APH1B: variants seen among roughly 807,000 people sequenced by gnomAD.
APH1B encodes gamma-secretase subunit APH-1B.
Under a neutral mutation model 28.2 loss-of-function variants are expected in APH1B, and 27 were observed. That is an observed-to-expected ratio of 0.96 (90% CI 0.70 to 1.32). The LOEUF is 1.32. Ranked by LOEUF, APH1B falls within the 40% of genes most tolerant of loss-of-function variation. APH1B has a pLI of 0.00. For synonymous variants in APH1B, 141 were observed against 124.6 expected, an observed-to-expected ratio of 1.13 and a Z score of -0.88; for missense variants, 305 against 313.6, an observed-to-expected ratio of 0.97 and a Z score of 0.21.
At chr15:63,281,534 GAA>G (rs58991721) in intron 2 of APH1B, among the ~76,000 whole-genome samples, 17,046 of 115,002 alleles carry the variant, frequency 0.15, 1,169 homozygotes, top group East Asian at 0.47. Context: ...GTCTAATTTT[GAA>G]AAAAAAAAAA....
rs1269123045 is a variant in APH1B at position 63,306,323 on chromosome 15, G to A, written c.*542G>A. 1.3e-5 allele frequency: 2 copies of A among 152,514 alleles called. No individual in the cohort carries two copies. Among genetic ancestry groups the A allele is most frequent in the African/African-American group, 2.4e-5 (1 of 41,460 alleles). 9.4% of individuals were successfully genotyped at this position (152,514 alleles called of 1,614,324 possible). A position where few individuals can be genotyped will look rare whatever the true frequency, so the allele number is the denominator to read the frequency against. ...GTACTTCACCATCTTAGGAGAACAC[G>A]GTAGGTTGGGCTTCTAAATGCAATA... On this transcript the variant is annotated 3_prime_UTR_variant, in exon 6 of 6. Coordinates refer to ENST00000261879, the MANE Select transcript of APH1B (RefSeq NM_031301.4).
In APH1B at chr15:63,309,041, A is replaced by T. The variant is rs2038715810; in HGVS notation, c.*3260A>T. 1 of 152,184 alleles carries T rather than the reference A, an allele frequency of 6.6e-6. No homozygotes were observed. The highest frequency in any genetic ancestry group is 6.5e-5 in the Admixed American group (1 of 15,278). 9.4% of individuals were successfully genotyped at this position (152,184 alleles called of 1,614,324 possible). On this transcript the variant is annotated 3_prime_UTR_variant, in exon 6 of 6. Transcript: ENST00000261879. Reference sequence around the variant, plus strand: ...ATGTCATATATACTTGCAATATCAGACCTTGCATTCAATATACAATGCAAT... The same window carrying T: ...ATGTCATATATACTTGCAATATCAGTCCTTGCATTCAATATACAATGCAAT...
chr15:63,301,546 G>A (rs1404680446), intron 4 of APH1B, among the ~76,000 whole-genome samples: 1 of 152,016 alleles, frequency 6.6e-6, no homozygotes, highest in East Asian at 1.9e-4. Context: ...TGCCTAAGAA[G>A]CATTGTAGAT....
At chr15:63,278,269 T>G in intron 1 of APH1B, 1 of 455,018 alleles carries the variant, frequency 2.2e-6, no homozygotes, top group African/African-American at 2.0e-5. Flanking sequence ...TTAAGCTCCT[T>G]TTGGATGGTT....
chr15:63,287,127 G>A (rs538647010), intron 3 of APH1B: 8 of 285,980 alleles, frequency 2.8e-5, no homozygotes, highest in South Asian at 7.1e-5. Context: ...AAAGTAAGCC[G>A]GAGTTTTGGT....
intron 2 of APH1B, among the ~76,000 whole-genome samples, chr15:63,285,775 G>A (rs2038439019): frequency 1.3e-5 from 2 of 152,186 alleles, no homozygotes; most frequent in African/African-American, 4.8e-5. Context: ...ATTTTCTCTT[G>A]AGCAGTATTC....
rs745338 is a variant in APH1B at position 63,306,231 on chromosome 15, T to A, written c.*450T>A. ...ATCTGAATGTCAAATCCTGGTTATC[T>A]TTTATCTTCCTAAGTTCTGAAGTCA... On this transcript the variant is annotated 3_prime_UTR_variant, in exon 6 of 6. Coordinates refer to ENST00000261879, the MANE Select transcript of APH1B (RefSeq NM_031301.4). The A allele has an allele frequency of 6.4e-6, 1 of 157,458 alleles. No individual in the cohort carries two copies. Among genetic ancestry groups the A allele is most frequent in the Non-Finnish European group, 1.4e-5 (1 of 71,422 alleles). 9.8% of individuals were successfully genotyped at this position (157,458 alleles called of 1,614,324 possible). A position where few individuals can be genotyped will look rare whatever the true frequency, so the allele number is the denominator to read the frequency against.
intron 4 of APH1B, among the ~76,000 whole-genome samples, chr15:63,292,488 C>T (rs2038515624): frequency 6.6e-6 from 1 of 152,188 alleles, no homozygotes; most frequent in African/African-American, 2.4e-5. Flanking sequence ...CTCCTGGGCT[C>T]AAGTGATCCT....
intron 5 of APH1B, among the ~76,000 whole-genome samples, chr15:63,305,320 T>C (rs988124284): frequency 6.6e-6 from 1 of 152,222 alleles, no homozygotes; most frequent in African/African-American, 2.4e-5. Flanking sequence ...AACACAGAAA[T>C]GAATAGAAAC....
chr15:63,283,717 T>C (rs929072802), intron 2 of APH1B, among the ~76,000 whole-genome samples: 1 of 152,238 alleles, frequency 6.6e-6, no homozygotes, highest in African/African-American at 2.4e-5. Flanking sequence ...GTTTACTTTT[T>C]CTTTAGTTGC....
intron 4 of APH1B, among the ~76,000 whole-genome samples, chr15:63,290,192 A>G (rs902657425): frequency 2.0e-5 from 3 of 152,222 alleles, no homozygotes; most frequent in African/African-American, 4.8e-5. Context: ...GATCCATACT[A>G]TATGATACCT....
At chr15:63,297,537 G>T (rs1383433780) in intron 4 of APH1B, among the ~76,000 whole-genome samples, 1 of 151,364 alleles carries the variant, frequency 6.6e-6, no homozygotes, top group Non-Finnish European at 1.5e-5. Flanking sequence ...TCTCAGAAAA[G>T]AAAAAAAAGA....
chr15:63,287,277 A>G, intron 3 of APH1B, 147 bp from the exon 4 acceptor site: 4 of 1,037,564 alleles, frequency 3.9e-6, no homozygotes, highest in African/African-American at 3.2e-5. Context: ...AGCCAAGCAC[A>G]TGCCTCTCCA....
rs2038711045 is a variant in APH1B at position 63,308,613 on chromosome 15, T to G, written c.*2832T>G. The G allele has an allele frequency of 6.6e-6, 1 of 152,260 alleles. No individual in the cohort carries two copies. The allele number at this position is 152,260 out of a possible 1,614,324, so 9.4% of individuals were successfully genotyped here. On this transcript the variant is annotated 3_prime_UTR_variant, in exon 6 of 6. Coordinates refer to ENST00000261879, the MANE Select transcript of APH1B (RefSeq NM_031301.4). ...CAGAATAAGCAGTTGGGAGAGAAGC[T>G]TCTTCCTACCTGGTACTCCTCCCAT...
intron 4 of APH1B, among the ~76,000 whole-genome samples, chr15:63,298,726 G>A (rs1349443081): frequency 6.6e-6 from 1 of 152,112 alleles, no homozygotes; most frequent in African/African-American, 2.4e-5. Flanking sequence ...GCCCTATGTG[G>A]TATTATCCCC....
intron 4 of APH1B, among the ~76,000 whole-genome samples, chr15:63,292,499 C>G (rs764374810): frequency 7.9e-5 from 12 of 152,154 alleles, no homozygotes; most frequent in Non-Finnish European, 1.3e-4. Context: ...AAGTGATCCT[C>G]CCACTCAGCC....
chr15:63,281,133 C>CT (rs1174980489), intron 2 of APH1B, among the ~76,000 whole-genome samples: 3 of 151,458 alleles, frequency 2.0e-5, no homozygotes, highest in African/African-American at 4.9e-5. Context: ...CAGACCCTGT[C>CT]TAAAAAAAAA....
At chr15:63,287,598 C>T in intron 4 of APH1B, 52 bp downstream of exon 4, 4 of 1,581,434 alleles carry the variant, frequency 2.5e-6, no homozygotes, top group South Asian at 1.2e-5. Context: ...AATGATCATT[C>T]TTATTGGGGT....
intron 2 of APH1B, among the ~76,000 whole-genome samples, chr15:63,286,303 C>T (rs1031714192): frequency 1.1e-4 from 16 of 152,154 alleles, no homozygotes; most frequent in South Asian, 2.1e-4. Flanking sequence ...CAATTCCTGA[C>T]GGCTTGTTTA....
Sources: allele counts gnomAD v4.1 joint callset (sites outside exome capture counted in the v4.1 genomes callset), GRCh38; gene constraint gnomAD v4.1.1; transcripts MANE v1.5; gene names NCBI Gene and HGNC (gene_info 2026-07-23, HGNC 2026-07-21).